PREX1: variants seen among roughly 807,000 people sequenced by gnomAD.
The protein encoded by PREX1 is phosphatidylinositol-3,4,5-trisphosphate dependent Rac exchange factor 1.
Under a neutral mutation model 198.3 loss-of-function variants are expected in PREX1, and 41 were observed. That is an observed-to-expected ratio of 0.21 (90% CI 0.16 to 0.27). PREX1 has a LOEUF of 0.27. PREX1 is among the 10% of genes least tolerant of loss of function. PREX1 has a pLI of 1.00. For missense variants in PREX1, 1,620 were observed against 2,200.7 expected (o/e 0.74, Z 5.28); for synonymous variants, 843 against 887.2 (o/e 0.95, Z 0.89).
At chr20:48,809,424 T>A (rs2090425190) in intron 1 of PREX1, among the ~76,000 whole-genome samples, 1 of 152,062 alleles carries the variant, frequency 6.6e-6, no homozygotes, top group African/African-American at 2.4e-5. Context: ...GAACCACTCC[T>A]CCCCCACTAC....
chr20:48,823,711 G>A (rs1231798936), intron 1 of PREX1, among the ~76,000 whole-genome samples: 1 of 152,206 alleles, frequency 6.6e-6, no homozygotes, highest in African/African-American at 2.4e-5. Context: ...GCAGGCGGAG[G>A]TGAAACATCA....
chr20:48,748,976 GT>G (rs1363303422), intron 1 of PREX1, among the ~76,000 whole-genome samples: 2 of 152,210 alleles, frequency 1.3e-5, no homozygotes, highest in Non-Finnish European at 2.9e-5. Flanking sequence ...GGGCAGTAGG[GT>G]GCAATGGTGC....
intron 31 of PREX1, among the ~76,000 whole-genome samples, chr20:48,637,396 T>C (rs1428777026): frequency 1.3e-5 from 2 of 152,168 alleles, no homozygotes; most frequent in African/African-American, 4.8e-5. Context: ...TTCCCCACTC[T>C]CTGCTGGGTG....
Position 48,785,866 on chromosome 20 carries a change from C to T in PREX1, c.220-37986G>A, listed in dbSNP as rs542721487. The stretch of plus-strand genomic sequence containing the variant: ...CCCATCATGTGGCAGGCGGTGGAGA[C>T]GGAGGGCACAGGAAGACAGAGCTTA... On this transcript the variant is annotated intron_variant, in intron 1 of 39. Transcript: ENST00000371941. Among the ~76,000 whole-genome samples the T allele has an allele frequency of 6.6e-5, 10 of 152,256 alleles. No individual in the cohort carries two copies. In the South Asian group the frequency reaches 1.7e-3, roughly 25 times the overall value.
chr20:48,882,501 CAAAAAA>C, the PREX1 span, among the ~76,000 whole-genome samples: 3 of 66,852 alleles, frequency 4.5e-5, no homozygotes, highest in African/African-American at 1.3e-4. Context: ...GACTCCGTCT[CAAAAAA>C]AAAAAAAAAA....
intron 18 of PREX1, chr20:48,656,438 A>G (rs1396769699): frequency 2.2e-6 from 1 of 455,670 alleles, no homozygotes. Flanking sequence ...GGACCCCGTT[A>G]CCCTACAGAC....
chr20:48,828,253 G>T (rs2090521231), upstream of PREX1, among the ~76,000 whole-genome samples: 1 of 151,578 alleles, frequency 6.6e-6, no homozygotes, highest in African/African-American at 2.4e-5. Flanking sequence ...GGGCCCCGCG[G>T]AGCCGGGAGT....
At chr20:48,812,108 A>G (rs1466871944) in intron 1 of PREX1, among the ~76,000 whole-genome samples, 1 of 152,252 alleles carries the variant, frequency 6.6e-6, no homozygotes, top group Admixed American at 6.5e-5. Flanking sequence ...TGGGCTAATA[A>G]GGACCAAAGG....
In PREX1 at chr20:48,624,928, C is replaced by T. The variant is rs183828436; in HGVS notation, c.*957G>A. ...AGAGCGAGTTCTAACACCGGCCAAC[C>T]GCTGGAGAATGGAGGGTGGGGGAAG... is the stretch of plus-strand genomic sequence containing the variant. On this transcript the variant is annotated 3_prime_UTR_variant, in exon 40 of 40. Transcript: ENST00000371941. 2 of 152,472 alleles carry T rather than the reference C, an allele frequency of 1.3e-5. No homozygotes were observed. Among genetic ancestry groups the T allele is most frequent in the African/African-American group, 4.8e-5 (2 of 41,548 alleles). 9.4% of individuals were successfully genotyped at this position (152,472 alleles called of 1,614,324 possible).
intron 39 of PREX1, among the ~76,000 whole-genome samples, chr20:48,626,136 C>T (rs1238155436): frequency 6.6e-6 from 1 of 152,252 alleles, no homozygotes; most frequent in East Asian, 1.9e-4. Flanking sequence ...CACTCAGAGA[C>T]TGGCATTTAC....
chr20:48,650,944 A>C lies in PREX1; in HGVS notation c.2767T>G (p.Cys923Gly). 6.2e-7 allele frequency: 1 copy of C among 1,614,194 alleles called. No individual in the cohort carries two copies. Among genetic ancestry groups the C allele is most frequent in the Non-Finnish European group, 8.5e-7 (1 of 1,180,046 alleles). Residue 923 changes from cysteine to glycine, a missense_variant, in exon 23 of 40, where the codon TGT becomes GGT. Around this residue, in one of 7 missense-constraint regions of PREX1, gnomAD observed 514 missense variants for 611.6 expected, o/e 0.84. Coordinates refer to ENST00000371941, the MANE Select transcript of PREX1 (RefSeq NM_020820.4). The stretch of plus-strand genomic sequence containing the variant: ...CCAATGCTCTCCAGCTTGGTGTCAC[A>C]GATGTTGCGGAACTCAAAGTGGGGC... ...TMPHFEFRNICDTKLESIGQR... is the reference protein window; with the variant it reads ...TMPHFEFRNIGDTKLESIGQR...
intron 1 of PREX1, among the ~76,000 whole-genome samples, chr20:48,759,293 T>C (rs1435752065): frequency 6.6e-6 from 1 of 152,054 alleles, no homozygotes; most frequent in African/African-American, 2.4e-5. Context: ...CTCACGCCTA[T>C]AATACCAGCA....
At chr20:48,655,180 G>T in intron 19 of PREX1, 110 bp downstream of exon 19, 2 of 1,114,884 alleles carry the variant, frequency 1.8e-6, no homozygotes, top group South Asian at 1.6e-5. Flanking sequence ...AAGTGCTGAT[G>T]GTACATTGTC....
At chr20:48,850,552 A>G in the PREX1 span, among the ~76,000 whole-genome samples, 1 of 152,076 alleles carries the variant, frequency 6.6e-6, no homozygotes, top group African/African-American at 2.4e-5. Flanking sequence ...GGAGCTGCCA[A>G]CTGCTCTTCT....
rs542988657 is a variant in PREX1, at chr20:48,692,907, C to T, written c.918-117G>A. 2.7e-4 allele frequency: 222 copies of T among 833,492 alleles called. 1 individual carries two copies. The highest frequency in any genetic ancestry group is 4.1e-4 in the Non-Finnish European group (202 of 488,992). 51.6% of individuals were successfully genotyped at this position (833,492 alleles called of 1,614,324 possible). A position where few individuals can be genotyped will look rare whatever the true frequency, so the allele number is the denominator to read the frequency against. Reference sequence around the variant, plus strand: ...GCATCCAGGGGACAGAGAGGAGCCCCAGGTAGGGGTCAGGAGCAGGAGTGT... The same window carrying T: ...GCATCCAGGGGACAGAGAGGAGCCCTAGGTAGGGGTCAGGAGCAGGAGTGT... On this transcript the variant is annotated intron_variant, in intron 7 of 39. Transcript: ENST00000371941.
intron 5 of PREX1, among the ~76,000 whole-genome samples, chr20:48,719,798 T>C (rs746694818): frequency 2.6e-5 from 4 of 152,030 alleles, no homozygotes; most frequent in Non-Finnish European, 5.9e-5. Context: ...TCTCCCTGAC[T>C]CCATCCTGAC....
the PREX1 span, among the ~76,000 whole-genome samples, chr20:48,838,202 AC>A: frequency 1.3e-5 from 2 of 152,180 alleles, no homozygotes; most frequent in African/African-American, 2.4e-5. Flanking sequence ...CTATTTCCTA[AC>A]CCACATGGTG....
At position 48,691,337 on chromosome 20, in the gene PREX1, T is replaced by C. The variant is rs2089818347; in HGVS notation, c.1037-241A>G. On this transcript the variant is annotated intron_variant, in intron 8 of 39. Transcript: ENST00000371941. The surrounding 1 kb of genome is among the most constrained non-coding windows in gnomAD (Gnocchi z 5.0). ...GACAGGGGGCTTCATTTTAAGACCT[T>C]GCATCTAGGCACAAACACAGCAGTG... 6.6e-6 allele frequency among the ~76,000 whole-genome samples: 1 copy of C among 152,144 alleles called. No homozygotes were observed. The highest frequency in any genetic ancestry group is 2.1e-4 in the South Asian group (1 of 4,830).
chr20:48,666,429 A>G lies in PREX1; in HGVS notation c.1666-74T>C. ...GCCATGCATGGCCAACGAGAAGCCCACAACCACCCAAGAAGGTAGGCTCCA... is the reference window on the plus strand; with the variant it reads ...GCCATGCATGGCCAACGAGAAGCCCGCAACCACCCAAGAAGGTAGGCTCCA... On this transcript the variant is annotated intron_variant, in intron 14 of 39. Coordinates refer to ENST00000371941, the MANE Select transcript of PREX1 (RefSeq NM_020820.4). This position sits in a 1 kb window ranked among gnomAD's most constrained non-coding sequence, Gnocchi z 4.3. 3.1e-6 allele frequency: 4 copies of G among 1,306,240 alleles called. No homozygotes were observed. The highest frequency in any genetic ancestry group is 4.3e-6 in the Non-Finnish European group (4 of 933,992). The allele number at this position is 1,306,240 out of a possible 1,614,324, so 80.9% of individuals were successfully genotyped here.
Sources: gnomAD v4.1 joint callset for allele counts (sites outside exome capture counted in the v4.1 genomes callset) on GRCh38, gnomAD v4.1.1 for gene constraint, gnomAD v4.1.1 regional missense constraint, Gnocchi (gnomAD v3.1) non-coding constraint, MANE v1.5 for transcripts, NCBI Gene and HGNC (gene_info 2026-07-23, HGNC 2026-07-21) for gene names.